The following AMPH variants were observed in gnomAD, a reference collection of about 807,000 sequenced individuals.
The protein encoded by AMPH is amphiphysin.
AMPH carries 49 observed loss-of-function variants against 99.1 expected under a neutral mutation model. That is an observed-to-expected ratio of 0.49 (90% CI 0.39 to 0.63). The LOEUF (loss-of-function observed/expected upper bound fraction) is 0.63, where lower values mean the gene tolerates loss of function less well. AMPH is among the 20% of genes least tolerant of loss of function. The pLI is 0.00. For synonymous variants in AMPH, 314 were observed against 317.3 expected (o/e 0.99, Z 0.11); for missense variants, 759 against 863.4 (o/e 0.88, Z 1.52).
intron 17 of AMPH, among the ~76,000 whole-genome samples, chr7:38,415,805 G>T (rs553336151): frequency 6.6e-5 from 10 of 151,966 alleles, no homozygotes; most frequent in African/African-American, 2.4e-4. Context: ...GGAAAGCGTG[G>T]ATCACACTGT....
At chr7:38,429,913 A>T in intron 13 of AMPH, 48 bp from the exon 14 acceptor site, 1 of 1,548,352 alleles carries the variant, frequency 6.5e-7, no homozygotes, top group Non-Finnish European at 8.8e-7. Context: ...GAGAAAATTC[A>T]CTAACACAAT....
At chr7:38,495,612 T>C (rs1405467761) in intron 3 of AMPH, among the ~76,000 whole-genome samples, 1 of 151,908 alleles carries the variant, frequency 6.6e-6, no homozygotes, top group Non-Finnish European at 1.5e-5. Context: ...TTTTTTTTTT[T>C]TTCTCATCAT....
At chr7:38,562,337 C>A (rs528271989) in intron 1 of AMPH, among the ~76,000 whole-genome samples, 1 of 152,308 alleles carries the variant, frequency 6.6e-6, no homozygotes, top group Non-Finnish European at 1.5e-5. Context: ...AGAGGCCATG[C>A]TAACTGCTTT....
chr7:38,422,300 A>C (rs1485152456), intron 16 of AMPH, 121 bp downstream of exon 16: 55 of 771,428 alleles, frequency 7.1e-5, no homozygotes, highest in Non-Finnish European at 1.0e-4. Context: ...TTTCTAGAAA[A>C]GTACAGGATC....
At chr7:38,495,647 G>A (rs140192434) in intron 3 of AMPH, among the ~76,000 whole-genome samples, 26 of 150,930 alleles carry the variant, frequency 1.7e-4, no homozygotes, top group African/African-American at 6.1e-4. Context: ...GATGTTGAAT[G>A]AAACAATGCT....
At position 38,384,625 on chromosome 7, in the gene AMPH, G is replaced by A. The variant is rs934294809; in HGVS notation, c.*193C>T. 1.4e-5 allele frequency: 7 copies of A among 510,702 alleles called. No homozygotes were observed. The highest frequency in any genetic ancestry group is 2.1e-5 in the Non-Finnish European group (6 of 282,374). 31.6% of individuals were successfully genotyped at this position (510,702 alleles called of 1,614,324 possible). A position where few individuals can be genotyped will look rare whatever the true frequency, so the allele number is the denominator to read the frequency against. ...TTATTGACAACATGGGAATGAGTGA[G>A]GATTTTTTCCTTAATTTACTTTTTT... On this transcript the variant is annotated 3_prime_UTR_variant, in exon 21 of 21. Transcript: ENST00000356264.
chr7:38,459,089 C>A (rs1018348020), intron 11 of AMPH, among the ~76,000 whole-genome samples: 5 of 151,664 alleles, frequency 3.3e-5, no homozygotes, highest in Non-Finnish European at 7.4e-5. Context: ...CAATAAAGAG[C>A]CAGAAGGGAA....
chr7:38,439,855 C>T (rs1406060217), intron 11 of AMPH, among the ~76,000 whole-genome samples: 1 of 152,138 alleles, frequency 6.6e-6, no homozygotes, highest in South Asian at 2.1e-4. Context: ...CGGACCTCTT[C>T]CAGTGCAGAT....
chr7:38,580,402 T>C (rs902507502), intron 1 of AMPH, among the ~76,000 whole-genome samples: 1 of 152,086 alleles, frequency 6.6e-6, no homozygotes, highest in African/African-American at 2.4e-5. Context: ...CTTTAACTGA[T>C]TACCTCCCAG....
chr7:38,618,664 T>A (rs749159866), intron 1 of AMPH, among the ~76,000 whole-genome samples: 41 of 152,292 alleles, frequency 2.7e-4, no homozygotes, highest in Admixed American at 1.3e-3. Context: ...GAAATTGAGA[T>A]AGTATTAATC....
In AMPH at chr7:38,452,088, C is replaced by T. The variant is rs565894374; in HGVS notation, c.1017+9195G>A. ...CAGGACACACTCAGGAGAGAATCAT[C>T]ACCGTGATGGTGCTTGGTGGAGGAG... On this transcript the variant is annotated intron_variant, in intron 11 of 20. Transcript: ENST00000356264. 1.9e-3 allele frequency among the ~76,000 whole-genome samples: 284 copies of T among 152,328 alleles called. 2 individuals carry two copies. Among genetic ancestry groups the T allele is most frequent in the Non-Finnish European group, 3.2e-3 (220 of 68,034 alleles).
At chr7:38,584,006 T>G (rs1792558553) in intron 1 of AMPH, among the ~76,000 whole-genome samples, 1 of 152,242 alleles carries the variant, frequency 6.6e-6, no homozygotes, top group Non-Finnish European at 1.5e-5. Context: ...AGAATTTGAT[T>G]AGCAACAATC....
chr7:38,496,536 G>A (rs928733742), intron 3 of AMPH, among the ~76,000 whole-genome samples: 1 of 152,136 alleles, frequency 6.6e-6, no homozygotes, highest in Non-Finnish European at 1.5e-5. Flanking sequence ...TGATGAAACA[G>A]AGTCGTGCAG....
chr7:38,544,577 C>T (rs987595968), intron 1 of AMPH, among the ~76,000 whole-genome samples: 2 of 152,172 alleles, frequency 1.3e-5, no homozygotes, highest in Admixed American at 6.5e-5. Context: ...GGTGAAGAAC[C>T]ACTGAATTTT....
chr7:38,446,670 T>A (rs903744666), intron 11 of AMPH, among the ~76,000 whole-genome samples: 1 of 152,304 alleles, frequency 6.6e-6, no homozygotes, highest in African/African-American at 2.4e-5. Flanking sequence ...CTTCTAAACT[T>A]CTTGGGGTGA....
intron 13 of AMPH, among the ~76,000 whole-genome samples, chr7:38,431,852 TC>T (rs1786042227): frequency 6.6e-6 from 1 of 152,154 alleles, no homozygotes; most frequent in Non-Finnish European, 1.5e-5. Flanking sequence ...ATTCACACTT[TC>T]CTTGTCTTCT....
At chr7:38,514,188 C>G (rs1369098535) in intron 2 of AMPH, among the ~76,000 whole-genome samples, 1 of 152,140 alleles carries the variant, frequency 6.6e-6, no homozygotes, top group Non-Finnish European at 1.5e-5. Context: ...TGGCAACGAC[C>G]TTTGTCTGTC....
At chr7:38,444,765 T>A (rs10250232) in intron 11 of AMPH, among the ~76,000 whole-genome samples, 37,490 of 151,166 alleles carry the variant, frequency 0.25, 5,009 homozygotes, top group African/African-American at 0.33. Flanking sequence ...CAGGAAATAA[T>A]ACAATATCAA....
intron 1 of AMPH, among the ~76,000 whole-genome samples, chr7:38,603,314 CAAAAAA>C (rs59085219): frequency 2.1e-5 from 2 of 94,886 alleles, no homozygotes; most frequent in Non-Finnish European, 4.2e-5. Context: ...GACTCTGTCT[CAAAAAA>C]AAAAAAAAAA....
Sources: allele counts gnomAD v4.1 joint callset (sites outside exome capture counted in the v4.1 genomes callset), GRCh38; gene constraint gnomAD v4.1.1; transcripts MANE v1.5; gene names NCBI Gene and HGNC (gene_info 2026-07-23, HGNC 2026-07-21).